Variants in SNAP29 observed in about 807,000 individuals in gnomAD.
SNAP29 encodes the protein synaptosome associated protein 29, also known as synaptosomal-associated protein 29.
A neutral mutation model predicts 27.9 loss-of-function variants in SNAP29; 13 were observed. That is an observed-to-expected ratio of 0.47 (90% CI 0.30 to 0.74). The LOEUF is 0.74. SNAP29 is among the 30% of genes least tolerant of loss of function. SNAP29 has a pLI of 0.06. For synonymous variants in SNAP29, 119 were observed against 127.1 expected (o/e 0.94, Z 0.43); for missense variants, 368 against 336.5 (o/e 1.09, Z -0.73).
At chr22:20,874,320 ACACACACACACACACACACGAAAATTAGC>A (rs1179176757) in intron 2 of SNAP29, among the ~76,000 whole-genome samples, 24 of 142,866 alleles carry the variant, frequency 1.7e-4, no homozygotes, top group South Asian at 1.1e-3. Context: ...ACACACAGAC[ACACACACACACACACACACGAAAATTAGC>A]CACACACACA....
intron 1 of SNAP29, among the ~76,000 whole-genome samples, chr22:20,864,993 A>G (rs1928423497): frequency 6.6e-6 from 1 of 152,218 alleles, no homozygotes; most frequent in African/African-American, 2.4e-5. Flanking sequence ...ATTGGACCAC[A>G]TACTCACCGC....
In SNAP29 at chr22:20,883,535, T is replaced by G; in HGVS notation, c.585T>G (p.Leu195=). 2 of 1,613,496 alleles carry G rather than the reference T, an allele frequency of 1.2e-6. No individual in the cohort carries two copies. Among genetic ancestry groups the G allele is most frequent in the Non-Finnish European group, 1.7e-6 (2 of 1,179,554 alleles). ...STDAYPKNPH[L]RAYHQKIDSN... ...ATGCTTACCCAAAGAACCCACACCT[T>G]CGAGCCTATCACCAGAAGATCGACA... Residue 195 remains leucine (L), a synonymous_variant, in exon 4 of 5, where the codon CTT becomes CTG. Transcript: ENST00000215730.
chr22:20,866,808 T>C (rs904394604), intron 1 of SNAP29, among the ~76,000 whole-genome samples: 2 of 152,198 alleles, frequency 1.3e-5, no homozygotes, highest in African/African-American at 4.8e-5. Context: ...CCCCCAACTT[T>C]CTGACTGCCT....
chr22:20,886,343 T>C (rs141497459), intron 4 of SNAP29, among the ~76,000 whole-genome samples: 1 of 152,080 alleles, frequency 6.6e-6, no homozygotes, highest in Non-Finnish European at 1.5e-5. Context: ...AGTTTTACTC[T>C]GTCGCCCAGG....
chr22:20,877,560 A>G (rs1246315270), intron 2 of SNAP29, among the ~76,000 whole-genome samples: 1 of 151,982 alleles, frequency 6.6e-6, no homozygotes, highest in Non-Finnish European at 1.5e-5. Flanking sequence ...CCCTCTAAAA[A>G]AAAAAATTAG....
intron 1 of SNAP29, among the ~76,000 whole-genome samples, chr22:20,861,868 C>G (rs1440868252): frequency 1.3e-5 from 2 of 152,156 alleles, no homozygotes; most frequent in Non-Finnish European, 2.9e-5. Context: ...CTCCTGACCT[C>G]ATGATCCACC....
chr22:20,880,959 C>T (rs1194954394), intron 2 of SNAP29, 90 bp from the exon 3 acceptor site: 1 of 840,794 alleles, frequency 1.2e-6, no homozygotes, highest in South Asian at 1.4e-5. Flanking sequence ...TGATTTTTAG[C>T]ACACAGGCAT....
chr22:20,878,753 T>C (rs377361829), intron 2 of SNAP29, among the ~76,000 whole-genome samples: 2 of 152,008 alleles, frequency 1.3e-5, no homozygotes, highest in East Asian at 3.9e-4. Context: ...CAGGCTGCTG[T>C]TGAGATAGAG....
intron 4 of SNAP29, among the ~76,000 whole-genome samples, chr22:20,883,957 G>A (rs1928952360): frequency 3.3e-5 from 5 of 152,180 alleles, no homozygotes; most frequent in Non-Finnish European, 7.3e-5. Context: ...GCCAGAAAGT[G>A]CCTGGGATGG....
intron 2 of SNAP29, among the ~76,000 whole-genome samples, chr22:20,880,503 C>G (rs1317888791): frequency 6.8e-6 from 1 of 146,676 alleles, no homozygotes; most frequent in Non-Finnish European, 1.5e-5. Context: ...AAGACTCCAT[C>G]TCAAAAAAAA....
chr22:20,885,052 G>C (rs1209710535), intron 4 of SNAP29, among the ~76,000 whole-genome samples: 1 of 152,190 alleles, frequency 6.6e-6, no homozygotes, highest in African/African-American at 2.4e-5. Flanking sequence ...TGGGATTATA[G>C]GTGTGAGCCA....
chr22:20,873,747 C>T (rs1479711431), intron 2 of SNAP29, among the ~76,000 whole-genome samples: 1 of 150,892 alleles, frequency 6.6e-6, no homozygotes. Context: ...GCGGGTGCAT[C>T]GTTTGAGGTC....
rs1339037462 is a variant in SNAP29, at chr22:20,859,220, C to A, written c.110C>A (p.Ala37Glu). 3.1e-6 allele frequency: 5 copies of A among 1,604,280 alleles called. No individual in the cohort carries two copies. Among genetic ancestry groups the A allele is most frequent in the East Asian group, 4.5e-5 (2 of 44,602 alleles). ...CGAGACCTCCCCGACGGGCCCGACG[C>A]GCCCGCGGACAGGCAGCAGTACTTG... ...DARDLPDGPD[A>E]PADRQQYLRQ... Residue 37 changes from alanine to glutamate, a missense_variant, in exon 1 of 5, where the codon GCG (alanine) becomes GAG (glutamate). Ala to Glu is a moderately radical substitution (Grantham distance 107). Transcript: ENST00000215730.
chr22:20,873,577 G>T (rs892942375), intron 2 of SNAP29, among the ~76,000 whole-genome samples: 2 of 152,136 alleles, frequency 1.3e-5, no homozygotes, highest in African/African-American at 4.8e-5. Context: ...AGGCATGGTG[G>T]CTCATGCCTG....
At chr22:20,872,652 C>A (rs912931169) in intron 2 of SNAP29, among the ~76,000 whole-genome samples, 4 of 151,810 alleles carry the variant, frequency 2.6e-5, no homozygotes, top group Non-Finnish European at 5.9e-5. Context: ...CATCCGCCTC[C>A]GCCTTCCAAA....
chr22:20,863,939 A>T (rs1928397002), intron 1 of SNAP29, among the ~76,000 whole-genome samples: 1 of 152,070 alleles, frequency 6.6e-6, no homozygotes, highest in Admixed American at 6.6e-5. Context: ...GTATGTAATG[A>T]GCTGGGCTTT....
At chr22:20,874,004 G>A (rs971989872) in intron 2 of SNAP29, among the ~76,000 whole-genome samples, 1 of 148,042 alleles carries the variant, frequency 6.8e-6, no homozygotes, top group Non-Finnish European at 1.5e-5. Context: ...GGCCGGGCAT[G>A]GTGAGTCACG....
chr22:20,872,176 T>TA (rs1928608961), intron 2 of SNAP29, among the ~76,000 whole-genome samples: 1 of 152,136 alleles, frequency 6.6e-6, no homozygotes, highest in South Asian at 2.1e-4. Context: ...TGCTTGATAT[T>TA]ATGTGATAAC....
At chr22:20,875,433 T>A (rs1928716042) in intron 2 of SNAP29, among the ~76,000 whole-genome samples, 1 of 152,198 alleles carries the variant, frequency 6.6e-6, no homozygotes, top group South Asian at 2.1e-4. Context: ...GAATGCAGTC[T>A]GTCTGTTGGA....
Sources: allele counts gnomAD v4.1 joint callset (sites outside exome capture counted in the v4.1 genomes callset), GRCh38; gene constraint gnomAD v4.1.1; transcripts MANE v1.5; gene names NCBI Gene and HGNC (gene_info 2026-07-23, HGNC 2026-07-21).